The following XYLT1 variants were observed in gnomAD, a reference collection of about 807,000 sequenced individuals.
XYLT1 encodes xylosyltransferase 1.
In XYLT1, 36 loss-of-function variants were observed where a neutral mutation model predicts 91.3. That is an observed-to-expected ratio of 0.39 (90% CI 0.30 to 0.52). XYLT1 has a LOEUF of 0.52. Among genes scored for constraint, XYLT1 ranks in the 20% least tolerant of loss-of-function variants. The pLI is 0.68. For synonymous variants in XYLT1, 588 were observed against 532.0 expected (o/e 1.11, Z -1.45); for missense variants, 1,242 against 1,284.5 (o/e 0.97, Z 0.51).
intron 1 of XYLT1, among the ~76,000 whole-genome samples, chr16:17,468,653 C>T (rs906406315): frequency 3.3e-5 from 5 of 152,116 alleles, no homozygotes; most frequent in South Asian, 2.1e-4. Flanking sequence ...CTCACAATGC[C>T]GGGGACCTAT....
intron 1 of XYLT1, among the ~76,000 whole-genome samples, chr16:17,374,619 C>G (rs1227653974): frequency 6.8e-6 from 1 of 147,366 alleles, no homozygotes; most frequent in Admixed American, 6.8e-5. Context: ...ATTATTCAAC[C>G]CTCAGTATTG....
intron 2 of XYLT1, among the ~76,000 whole-genome samples, chr16:17,293,250 C>T (rs2034257440): frequency 6.6e-6 from 1 of 152,048 alleles, no homozygotes; most frequent in Non-Finnish European, 1.5e-5. Flanking sequence ...ATGGCATCCC[C>T]GAGTTTACCT....
In XYLT1 at chr16:17,108,529, G is replaced by A; in HGVS notation, c.*166C>T. 1.5e-6 allele frequency: 1 copy of A among 684,954 alleles called. No homozygotes were observed. Among genetic ancestry groups the A allele is most frequent in the South Asian group, 2.6e-5 (1 of 38,062 alleles). The allele number at this position is 684,954 out of a possible 1,614,324, so 42.4% of individuals were successfully genotyped here. ...GCTTGCCAAAGGCAGGTTGTTGGCT[G>A]ATCCTGCTTTGACCTGCTGACCTTC... is the stretch of plus-strand genomic sequence containing the variant. On this transcript the variant is annotated 3_prime_UTR_variant, in exon 12 of 12. Coordinates refer to ENST00000261381, the MANE Select transcript of XYLT1 (RefSeq NM_022166.4).
intron 6 of XYLT1, among the ~76,000 whole-genome samples, chr16:17,144,863 T>A (rs2031091466): frequency 6.6e-6 from 1 of 152,210 alleles, no homozygotes; most frequent in Non-Finnish European, 1.5e-5. Flanking sequence ...TGGAGGGGGA[T>A]CAGGGGCTCT....
intron 2 of XYLT1, among the ~76,000 whole-genome samples, chr16:17,315,711 C>T (rs1303314345): frequency 2.0e-5 from 3 of 152,194 alleles, no homozygotes; most frequent in Non-Finnish European, 4.4e-5. Flanking sequence ...GAATTAGCTT[C>T]AGGTTAGAAA....
chr16:17,459,056 C>G (rs953634653), intron 1 of XYLT1, among the ~76,000 whole-genome samples: 1 of 151,982 alleles, frequency 6.6e-6, no homozygotes, highest in Admixed American at 6.6e-5. Flanking sequence ...GGGAAAAAAG[C>G]AACTAAAAGA....
At chr16:17,121,037 TATCA>T (rs919142778) in intron 10 of XYLT1, among the ~76,000 whole-genome samples, 2 of 152,208 alleles carry the variant, frequency 1.3e-5, no homozygotes, top group Non-Finnish European at 2.9e-5. Context: ...ATCACCTGTC[TATCA>T]ATCTATCTTG....
At chr16:17,233,021 T>C (rs1050726981) in intron 3 of XYLT1, among the ~76,000 whole-genome samples, 2 of 152,174 alleles carry the variant, frequency 1.3e-5, no homozygotes, top group Admixed American at 6.5e-5. Context: ...CTATCAGGAC[T>C]TGTCTCCTCT....
chr16:17,260,643 C>T (rs2033708772), intron 2 of XYLT1, among the ~76,000 whole-genome samples: 2 of 152,194 alleles, frequency 1.3e-5, no homozygotes, highest in African/African-American at 2.4e-5. Context: ...CCCACCCCAG[C>T]AGGTCAGCAA....
At chr16:17,349,140 C>CA (rs1289304779) in intron 2 of XYLT1, among the ~76,000 whole-genome samples, 1 of 152,184 alleles carries the variant, frequency 6.6e-6, no homozygotes, top group Non-Finnish European at 1.5e-5. Context: ...CAGGGCAAAC[C>CA]GTGCCACAGC....
chr16:17,357,199 A>AAAAG (rs2035312842), intron 2 of XYLT1, among the ~76,000 whole-genome samples: 5 of 147,742 alleles, frequency 3.4e-5, no homozygotes, highest in Admixed American at 6.8e-5. Context: ...AAAAAAAAAA[A>AAAAG]CGCTACCACT....
Position 17,243,928 on chromosome 16 carries a change from G to A in XYLT1, c.913+15060C>T, listed in dbSNP as rs145793514. Among the ~76,000 whole-genome samples, 52 of 152,224 alleles carry A rather than the reference G, an allele frequency of 3.4e-4. No individual in the cohort carries two copies. The South Asian group carries it at 7.3e-3, about 21-fold the overall frequency. On this transcript the variant is annotated intron_variant, in intron 3 of 11. Coordinates refer to ENST00000261381, the MANE Select transcript of XYLT1 (RefSeq NM_022166.4). ...CAGGTCTCCCACCATGCTTGGCCACGGCACCATGGACATTTTGGACTGGAA... is the reference window on the plus strand; with the variant it reads ...CAGGTCTCCCACCATGCTTGGCCACAGCACCATGGACATTTTGGACTGGAA...
intron 2 of XYLT1, among the ~76,000 whole-genome samples, chr16:17,324,979 T>C (rs1245509134): frequency 1.3e-5 from 2 of 152,232 alleles, no homozygotes; most frequent in African/African-American, 4.8e-5. Flanking sequence ...GCTATTTATA[T>C]ATAATTATGG....
At chr16:17,352,254 A>G (rs750612903) in intron 2 of XYLT1, among the ~76,000 whole-genome samples, 19 of 152,200 alleles carry the variant, frequency 1.2e-4, no homozygotes, top group Non-Finnish European at 2.4e-4. Flanking sequence ...CTAATTAGCT[A>G]TTAGCCAAAT....
chr16:17,301,724 G>A (rs778949814), intron 2 of XYLT1, among the ~76,000 whole-genome samples: 11 of 152,288 alleles, frequency 7.2e-5, no homozygotes, highest in Non-Finnish European at 1.3e-4. Flanking sequence ...GCAACAACAG[G>A]TGGCGAATGC....
chr16:17,321,557 C>T (rs1417671276), intron 2 of XYLT1, among the ~76,000 whole-genome samples: 1 of 151,760 alleles, frequency 6.6e-6, no homozygotes, highest in Non-Finnish European at 1.5e-5. Context: ...GGGGTTTCAC[C>T]ATGTTGGGCA....
intron 2 of XYLT1, among the ~76,000 whole-genome samples, chr16:17,271,571 T>C (rs1269687733): frequency 6.6e-6 from 1 of 152,206 alleles, no homozygotes; most frequent in Non-Finnish European, 1.5e-5. Context: ...GACAGCGCTG[T>C]TGACATTTGG....
intron 1 of XYLT1, among the ~76,000 whole-genome samples, chr16:17,410,192 A>C (rs1038443238): frequency 1.3e-5 from 2 of 152,222 alleles, no homozygotes; most frequent in Non-Finnish European, 2.9e-5. Flanking sequence ...AGGAAATCCA[A>C]AAGTATTGAT....
intron 1 of XYLT1, among the ~76,000 whole-genome samples, chr16:17,362,401 T>C (rs73525126): frequency 0.03 from 4,574 of 152,310 alleles, 239 homozygotes; most frequent in African/African-American, 0.1. Context: ...TAAGTTCCGA[T>C]TCAGTAGCTA....
Sources: allele counts gnomAD v4.1 joint callset (sites outside exome capture counted in the v4.1 genomes callset), GRCh38; gene constraint gnomAD v4.1.1; transcripts MANE v1.5; gene names NCBI Gene and HGNC (gene_info 2026-07-23, HGNC 2026-07-21).